Variants in STK24 observed in about 807,000 individuals in gnomAD.
STK24 encodes the protein serine/threonine-protein kinase 24.
A neutral mutation model predicts 55.6 loss-of-function variants in STK24; 21 were observed. That is an observed-to-expected ratio of 0.38 (90% confidence interval 0.27 to 0.54). The LOEUF (loss-of-function observed/expected upper bound fraction) is 0.54, where lower values mean the gene tolerates loss of function less well. Ranked by LOEUF, STK24 falls within the 20% of genes least tolerant of loss-of-function variation. STK24 has a pLI of 0.79. For synonymous variants in STK24, 200 were observed against 215.2 expected (o/e 0.93, Z 0.62); for missense variants, 383 against 538.4 (o/e 0.71, Z 2.86).
intron 1 of STK24, among the ~76,000 whole-genome samples, chr13:98,540,023 T>C (rs1391691942): frequency 6.6e-6 from 1 of 152,042 alleles, no homozygotes; most frequent in African/African-American, 2.4e-5. Flanking sequence ...AACAACAGAA[T>C]ACGATTCTGC....
chr13:98,572,933 A>G (rs1282441329), intron 1 of STK24, among the ~76,000 whole-genome samples: 1 of 152,212 alleles, frequency 6.6e-6, no homozygotes, highest in African/African-American at 2.4e-5. Context: ...CCTTTTTTAA[A>G]TATACCACAA....
chr13:98,516,661 G>A (rs1398500758), intron 2 of STK24, among the ~76,000 whole-genome samples: 2 of 152,102 alleles, frequency 1.3e-5, no homozygotes, highest in African/African-American at 2.4e-5. Context: ...CTCCCCCAAC[G>A]CTGACTTATG....
intron 6 of STK24, among the ~76,000 whole-genome samples, chr13:98,464,467 G>A (rs1321247189): frequency 6.7e-6 from 1 of 148,910 alleles, no homozygotes; most frequent in African/African-American, 2.5e-5. Context: ...GACAAATGCT[G>A]ACAAAATATA....
chr13:98,511,401 A>T (rs1170168284), intron 2 of STK24, among the ~76,000 whole-genome samples: 2 of 152,262 alleles, frequency 1.3e-5, no homozygotes, highest in African/African-American at 4.8e-5. Context: ...GCACTCTGGA[A>T]AATTAAACAG....
At chr13:98,463,955 A>C in intron 6 of STK24, 119 bp from the exon 7 acceptor site, 1 of 1,179,942 alleles carries the variant, frequency 8.5e-7, no homozygotes, top group Non-Finnish European at 1.2e-6. Context: ...TGGACTCTCT[A>C]CTCCACAGCG....
intron 3 of STK24, among the ~76,000 whole-genome samples, chr13:98,478,753 G>A (rs902322035): frequency 2.6e-5 from 4 of 152,174 alleles, no homozygotes; most frequent in African/African-American, 9.6e-5. Context: ...GGTTTATGTA[G>A]CATTGTCCCT....
chr13:98,484,208 A>G (rs1402327293), intron 2 of STK24, among the ~76,000 whole-genome samples: 2 of 152,132 alleles, frequency 1.3e-5, no homozygotes, highest in East Asian at 1.9e-4. Context: ...GGCTTCCACA[A>G]TGCTTGCTCC....
rs1302212125 is a variant in STK24, at chr13:98,522,189, C to A, written c.43-2716G>T. Reference sequence around the variant, plus strand: ...CTTTCCAGTCCTTTAGCATCCACAGCCCCACTCCCGCTGGCTTCTTCCAGT... The same window carrying A: ...CTTTCCAGTCCTTTAGCATCCACAGACCCACTCCCGCTGGCTTCTTCCAGT... On this transcript the variant is annotated intron_variant, in intron 1 of 10. Transcript: ENST00000539966. 4.1e-6 allele frequency: 3 copies of A among 726,736 alleles called. No homozygotes were observed. In the African/African-American group the frequency reaches 5.7e-5, roughly 14 times the overall value. The allele number at this position is 726,736 out of a possible 1,614,324, so 45.0% of individuals were successfully genotyped here.
At chr13:98,497,835 C>T (rs1321415295) in intron 2 of STK24, among the ~76,000 whole-genome samples, 3 of 152,052 alleles carry the variant, frequency 2.0e-5, no homozygotes, top group East Asian at 1.9e-4. Context: ...GGTACAGCGT[C>T]CTGGGGACAG....
At chr13:98,527,238 G>A (rs181824823) in intron 1 of STK24, among the ~76,000 whole-genome samples, 13 of 152,264 alleles carry the variant, frequency 8.5e-5, no homozygotes, top group Admixed American at 6.5e-4. Flanking sequence ...CACCTTGGGA[G>A]GCCCACAGAT....
At chr13:98,488,161 A>T (rs1395866662) in intron 2 of STK24, among the ~76,000 whole-genome samples, 1 of 7,790 alleles carries the variant, frequency 1.3e-4, no homozygotes. Flanking sequence ...AGAGATGAAG[A>T]CACACACACA....
In STK24 at chr13:98,453,123, G is replaced by A. The variant is rs750582650; in HGVS notation, c.*50C>T. Reference sequence around the variant, plus strand: ...CTCGTTGACTTTTAAAAAAGGAGGAGGATGAAGAAGGAAAAAAGGAAAAAC... The same window carrying A: ...CTCGTTGACTTTTAAAAAAGGAGGAAGATGAAGAAGGAAAAAAGGAAAAAC... On this transcript the variant is annotated 3_prime_UTR_variant, in exon 11 of 11. Transcript: ENST00000539966. 7.5e-5 allele frequency: 121 copies of A among 1,603,638 alleles called. No individual in the cohort carries two copies. The South Asian group carries it at 1.1e-3, about 15-fold the overall frequency.
Position 98,467,547 on chromosome 13 carries a change from G to A in STK24, c.598-986C>T, listed in dbSNP as rs567239782. 1.2e-3 allele frequency among the ~76,000 whole-genome samples: 190 copies of A among 152,198 alleles called. 1 individual carries two copies. The highest frequency in any genetic ancestry group is 4.3e-3 in the African/African-American group (179 of 41,538). ...GTCTCCCCAGGGACATCAACTTAAA[G>A]AAACAGGTCCCAAATTCGGGATTTG... is the stretch of plus-strand genomic sequence containing the variant. On this transcript the variant is annotated intron_variant, in intron 5 of 10. Coordinates refer to ENST00000539966, the MANE Select transcript of STK24 (RefSeq NM_001032296.4).
intron 1 of STK24, among the ~76,000 whole-genome samples, chr13:98,543,669 C>A (rs555047064): frequency 6.6e-6 from 1 of 152,270 alleles, no homozygotes; most frequent in South Asian, 2.1e-4. Context: ...GCCCTCTACT[C>A]CCAAGTGGCC....
chr13:98,485,853 T>G (rs1894785311), intron 2 of STK24, among the ~76,000 whole-genome samples: 1 of 152,238 alleles, frequency 6.6e-6, no homozygotes, highest in African/African-American at 2.4e-5. Flanking sequence ...AGGCAGCAGC[T>G]GCACCACCGC....
At chr13:98,460,863 G>C (rs1281897452) in intron 8 of STK24, among the ~76,000 whole-genome samples, 3 of 151,042 alleles carry the variant, frequency 2.0e-5, no homozygotes, top group African/African-American at 7.3e-5. Flanking sequence ...AACATAGTGA[G>C]ACCATGTTTC....
intron 1 of STK24, among the ~76,000 whole-genome samples, chr13:98,552,216 G>A (rs559056563): frequency 6.6e-6 from 1 of 152,174 alleles, no homozygotes; most frequent in South Asian, 2.1e-4. Context: ...TTATTAAAAG[G>A]AATCTTTACA....
intron 2 of STK24, among the ~76,000 whole-genome samples, chr13:98,501,804 G>C (rs1175615948): frequency 6.6e-6 from 1 of 152,158 alleles, no homozygotes; most frequent in Non-Finnish European, 1.5e-5. Context: ...AGCCCTGTCT[G>C]CTCTCCGACA....
At chr13:98,556,269 T>C (rs2030451949) in intron 1 of STK24, among the ~76,000 whole-genome samples, 1 of 152,186 alleles carries the variant, frequency 6.6e-6, no homozygotes, top group Non-Finnish European at 1.5e-5. Context: ...CAGCATTGCC[T>C]AAGAACTTGT....
Sources: gnomAD v4.1 joint callset for allele counts (sites outside exome capture counted in the v4.1 genomes callset) on GRCh38, gnomAD v4.1.1 for gene constraint, MANE v1.5 for transcripts, NCBI Gene and HGNC (gene_info 2026-07-23, HGNC 2026-07-21) for gene names.